PRKN: variants seen among roughly 807,000 people sequenced by gnomAD.
PRKN encodes E3 ubiquitin-protein ligase parkin.
Under a neutral mutation model 59.5 loss-of-function variants are expected in PRKN, and 56 were observed. The observed-to-expected ratio is 0.94, with a 90% CI of 0.76 to 1.18. PRKN has a LOEUF of 1.18. Ranked by LOEUF, PRKN falls within the 50% of genes most tolerant of loss-of-function variation. PRKN has a pLI of 0.00. For missense variants in PRKN, 657 were observed against 596.4 expected (o/e 1.10, Z -1.06); for synonymous variants, 250 against 222.1 (o/e 1.13, Z -1.12).
rs1479037561 is a variant in PRKN at position 161,363,939 on chromosome 6, C to T, written c.1168-3734G>A. ...CTTTGGGAGGCCAAGGCAGGCGGATCATGAGGTCAGGAGATTGAGACCATC... is the reference window on the plus strand; with the variant it reads ...CTTTGGGAGGCCAAGGCAGGCGGATTATGAGGTCAGGAGATTGAGACCATC... On this transcript the variant is annotated intron_variant, in intron 10 of 11. Coordinates refer to ENST00000366898, the MANE Select transcript of PRKN (RefSeq NM_004562.3). The surrounding 1 kb of genome is among the most constrained non-coding windows in gnomAD (Gnocchi z 4.1). Among the ~76,000 whole-genome samples the T allele has an allele frequency of 6.6e-6, 1 of 152,082 alleles. No homozygotes were observed. Among genetic ancestry groups the T allele is most frequent in the African/African-American group, 2.4e-5 (1 of 41,412 alleles).
chr6:162,260,795 CA>C (rs753320137), intron 3 of PRKN, among the ~76,000 whole-genome samples: 2 of 152,052 alleles, frequency 1.3e-5, no homozygotes, highest in Non-Finnish European at 2.9e-5. Flanking sequence ...TTGCTCTAAA[CA>C]ATGTGATTTT....
rs1003996022 is a variant in PRKN at position 161,834,601 on chromosome 6, C to G, written c.735-48693G>C. Among the ~76,000 whole-genome samples the G allele has an allele frequency of 2.0e-5, 3 of 152,168 alleles. No individual in the cohort carries two copies. The East Asian group carries it at 5.8e-4, about 29-fold the overall frequency. ...GGGAACACGCTCATTAGGAACAAGC[C>G]GGCTGGAAGCTTCAGATTGTTACAT... On this transcript the variant is annotated intron_variant, in intron 6 of 11. Coordinates refer to ENST00000366898, the MANE Select transcript of PRKN (RefSeq NM_004562.3).
intron 1 of PRKN, among the ~76,000 whole-genome samples, chr6:162,659,347 T>G (rs1291116854): frequency 6.6e-6 from 1 of 152,136 alleles, no homozygotes; most frequent in African/African-American, 2.4e-5. Context: ...AAGCTACTTT[T>G]CTATATTGCC....
At chr6:161,736,214 C>A (rs1787958123) in intron 7 of PRKN, among the ~76,000 whole-genome samples, 1 of 152,212 alleles carries the variant, frequency 6.6e-6, no homozygotes, top group Non-Finnish European at 1.5e-5. Context: ...GGCTGATGTT[C>A]ACATGAATTA....
intron 2 of PRKN, among the ~76,000 whole-genome samples, chr6:162,297,531 T>C (rs1781737748): frequency 6.6e-6 from 1 of 152,122 alleles, no homozygotes; most frequent in Non-Finnish European, 1.5e-5. Flanking sequence ...ACAGATGAAT[T>C]AGGAGGCATA....
intron 7 of PRKN, among the ~76,000 whole-genome samples, chr6:161,732,474 G>T (rs1157995714): frequency 6.7e-6 from 1 of 149,578 alleles, no homozygotes; most frequent in African/African-American, 2.5e-5. Context: ...TTCTTCAGAG[G>T]TTTTTTTTTT....
chr6:161,582,688 A>G lies in PRKN; in HGVS notation c.872-13272T>C, dbSNP rs1245608483. On this transcript the variant is annotated intron_variant, in intron 7 of 11. Coordinates refer to ENST00000366898, the MANE Select transcript of PRKN (RefSeq NM_004562.3). This position sits in a 1 kb window ranked among gnomAD's most constrained non-coding sequence, Gnocchi z 4.4. ...GTGATCTGCCCGCCTCGGCCTCCCA[A>G]AGTTCTGGGATTACAGGTGTGAGAC... Among the ~76,000 whole-genome samples, 1 of 151,994 alleles carries G rather than the reference A, an allele frequency of 6.6e-6. No homozygotes were observed. Among genetic ancestry groups the G allele is most frequent in the African/African-American group, 2.4e-5 (1 of 41,374 alleles).
chr6:162,447,065 T>TTG (rs1483998191), intron 1 of PRKN, among the ~76,000 whole-genome samples: 4 of 152,172 alleles, frequency 2.6e-5, no homozygotes, highest in Non-Finnish European at 5.9e-5. Context: ...CCAATGTCTG[T>TTG]TACACAAGAT....
At chr6:162,589,507 T>C (rs1030381101) in intron 1 of PRKN, among the ~76,000 whole-genome samples, 3 of 152,230 alleles carry the variant, frequency 2.0e-5, no homozygotes, top group Non-Finnish European at 2.9e-5. Flanking sequence ...AGTACACTTT[T>C]TTTTTGTCTT....
chr6:161,638,028 G>T (rs1461060690), intron 7 of PRKN, among the ~76,000 whole-genome samples: 1 of 151,952 alleles, frequency 6.6e-6, no homozygotes, highest in Non-Finnish European at 1.5e-5. Context: ...TTGGGCCAGG[G>T]TATTTTTTTT....
chr6:162,099,382 C>G (rs1779874370), intron 4 of PRKN, among the ~76,000 whole-genome samples: 1 of 152,162 alleles, frequency 6.6e-6, no homozygotes, highest in African/African-American at 2.4e-5. Context: ...ACAAGTTAAA[C>G]TGTTTTTTAC....
intron 6 of PRKN, among the ~76,000 whole-genome samples, chr6:161,823,933 C>A (rs1792138736): frequency 6.6e-6 from 1 of 152,222 alleles, no homozygotes; most frequent in East Asian, 1.9e-4. Flanking sequence ...CACTCCAGCA[C>A]TGCCTCTGGT....
intron 2 of PRKN, among the ~76,000 whole-genome samples, chr6:162,340,383 T>C (rs550223868): frequency 6.6e-5 from 10 of 152,310 alleles, no homozygotes; most frequent in Admixed American, 6.5e-4. Flanking sequence ...TCTTAAAGGT[T>C]TGTGAATAAA....
chr6:161,787,895 G>A (rs779283403), intron 6 of PRKN, among the ~76,000 whole-genome samples: 1 of 152,196 alleles, frequency 6.6e-6, no homozygotes, highest in Non-Finnish European at 1.5e-5. Flanking sequence ...AGCCGAGATC[G>A]CACCACTGCA....
At chr6:161,736,296 T>C (rs964433241) in intron 7 of PRKN, among the ~76,000 whole-genome samples, 3 of 152,228 alleles carry the variant, frequency 2.0e-5, no homozygotes, top group East Asian at 1.9e-4. Flanking sequence ...CAGCTGTTTA[T>C]ACTCTTGGCA....
chr6:161,577,992 G>A (rs566274518), intron 7 of PRKN, among the ~76,000 whole-genome samples: 15 of 152,246 alleles, frequency 9.9e-5, no homozygotes, highest in East Asian at 1.9e-4. Context: ...CTTACTATGC[G>A]TAACGCCAGG....
chr6:162,058,897 G>C (rs569741163), intron 4 of PRKN, among the ~76,000 whole-genome samples: 1 of 148,970 alleles, frequency 6.7e-6, no homozygotes, highest in South Asian at 2.1e-4. Context: ...GATTGCAGTG[G>C]GCCGAGATCA....
At chr6:162,535,513 C>CTA (rs145835214) in intron 1 of PRKN, among the ~76,000 whole-genome samples, 20 of 151,670 alleles carry the variant, frequency 1.3e-4, no homozygotes, top group African/African-American at 4.8e-4. Context: ...GTGTGTGTGT[C>CTA]TATATATATA....
chr6:162,425,228 C>A (rs1789174345), intron 2 of PRKN, among the ~76,000 whole-genome samples: 1 of 152,014 alleles, frequency 6.6e-6, no homozygotes. Context: ...GAAAAATAAA[C>A]ATAAAAAAGT....
Sources: allele counts gnomAD v4.1 joint callset (sites outside exome capture counted in the v4.1 genomes callset), GRCh38; gene constraint gnomAD v4.1.1; non-coding constraint Gnocchi (gnomAD v3.1); transcripts MANE v1.5; gene names NCBI Gene and HGNC (gene_info 2026-07-23, HGNC 2026-07-21).